Variants in ASMTL observed in about 807,000 individuals in gnomAD.
The protein encoded by ASMTL is acetylserotonin O-methyltransferase like, also known as probable bifunctional dTTP/UTP pyrophosphatase/methyltransferase protein.
In ASMTL, 57 loss-of-function variants were observed where a neutral mutation model predicts 60.3. That is an observed-to-expected ratio of 0.95 (90% CI 0.76 to 1.18). The LOEUF is 1.18. Ranked by LOEUF, ASMTL falls within the 50% of genes most tolerant of loss-of-function variation. ASMTL has a pLI of 0.00. For synonymous variants in ASMTL, 419 were observed against 373.0 expected, an observed-to-expected ratio of 1.12 and a Z score of -1.42; for missense variants, 981 against 852.6, an observed-to-expected ratio of 1.15 and a Z score of -1.88.
rs759397218 is a variant in ASMTL, at chrX:1,419,087, G to A, written c.1273C>T (p.Arg425Trp). ...QDAYYQSPET[R>W]LRFMRAMHGM... The stretch of plus-strand genomic sequence containing the variant: ...TGCATGGCCCGCATGAACCTCAGCC[G>A]CGTCTCCGGGCTCTGGTAGTACGCA... Residue 425 changes from arginine to tryptophan, a missense_variant, in exon 10 of 13, where the codon CGG becomes TGG. By Grantham distance (101) the Arg-to-Trp change is moderately radical. Transcript: ENST00000381317. The A allele has an allele frequency of 5.0e-5, 81 of 1,611,178 alleles. No individual in the cohort carries two copies. The East Asian group carries it at 1.1e-3, about 22-fold the overall frequency.
chrX:1,418,648 G>A (rs1404084671), intron 10 of ASMTL, among the ~76,000 whole-genome samples: 7 of 152,104 alleles, frequency 4.6e-5, no homozygotes, highest in Admixed American at 6.5e-5. Flanking sequence ...TGTGTCTACT[G>A]CTCCACCCAC....
intron 1 of ASMTL, among the ~76,000 whole-genome samples, chrX:1,444,566 G>A (rs1369016496): frequency 5.3e-5 from 8 of 152,128 alleles, no homozygotes; most frequent in African/African-American, 1.9e-4. Context: ...CCGAAACCCA[G>A]GACAGGTGTT....
intron 8 of ASMTL, among the ~76,000 whole-genome samples, chrX:1,424,264 A>G (rs1170171015): frequency 1.6e-5 from 2 of 122,680 alleles, no homozygotes; most frequent in African/African-American, 3.2e-5. Flanking sequence ...ACTCATCCAC[A>G]TGCCCACTCA....
rs1283185686 is a variant in ASMTL, at chrX:1,419,651, G to T, written c.1246-537C>A. On this transcript the variant is annotated intron_variant, in intron 9 of 12. Transcript: ENST00000381317. ...GAGCCCAGGCTCATCCTGGCTCAGT[G>T]CTGTGTCCAGGGTTCGCCTGGACAT... is the stretch of plus-strand genomic sequence containing the variant. Among the ~76,000 whole-genome samples, 10 of 152,136 alleles carry T rather than the reference G, an allele frequency of 6.6e-5. 1 individual carries two copies. The highest frequency in any genetic ancestry group is 6.5e-4 in the Admixed American group (10 of 15,274).
chrX:1,419,944 C>CTG (rs2090428924), intron 9 of ASMTL, among the ~76,000 whole-genome samples: 1 of 152,132 alleles, frequency 6.6e-6, no homozygotes, highest in Non-Finnish European at 1.5e-5. Flanking sequence ...CTCTGTCTGT[C>CTG]TGTCTCTGTC....
chrX:1,442,798 T>C (rs5989993), intron 1 of ASMTL, among the ~76,000 whole-genome samples: 106,960 of 152,004 alleles, frequency 0.7, 41,868 homozygotes, highest in East Asian at 0.96. Flanking sequence ...CAATCCCTGG[T>C]ACCCAGGAAG....
chrX:1,427,952 C>A lies in ASMTL; in HGVS notation c.679G>T (p.Asp227Tyr). ...AAGGTGTCCGCGGCCGGGATGGAGT[C>A]GTGCTTGACACTCCGCCGCAGGTCC... ...PEDLRRSVKH[D>Y]SIPAADTFED... The change falls in exon 7 of 13, where the codon GAC (aspartate) becomes TAC (tyrosine). Residue 227 changes from aspartate (D) to tyrosine (Y), a missense_variant. By Grantham distance (160) the Asp-to-Tyr change is radical. Transcript: ENST00000381317. 6.2e-7 allele frequency: 1 copy of A among 1,613,476 alleles called. No homozygotes were observed. Among genetic ancestry groups the A allele is most frequent in the Non-Finnish European group, 8.5e-7 (1 of 1,179,826 alleles).
At chrX:1,407,556 GATA>G (rs1257073477) in intron 12 of ASMTL, among the ~76,000 whole-genome samples, 1 of 151,950 alleles carries the variant, frequency 6.6e-6, no homozygotes, top group Non-Finnish European at 1.5e-5. Flanking sequence ...TGGATGGATA[GATA>G]ATAAATGATA....
chrX:1,442,166 G>A lies in ASMTL; in HGVS notation c.225+20C>T, dbSNP rs775534043. 1.5e-5 allele frequency: 24 copies of A among 1,612,142 alleles called. No homozygotes were observed. The highest frequency in any genetic ancestry group is 1.5e-4 in the African/African-American group (11 of 74,954). On this transcript the variant is annotated intron_variant, in intron 2 of 12. Transcript: ENST00000381317. ...CAGCAAAGGAATTTTCATAAGGGCC[G>A]AAGGGCAGGGGCCCCTTGCCTGGTA...
intron 10 of ASMTL, 79 bp downstream of exon 10, chrX:1,418,903 G>A (rs1225107971): frequency 1.9e-6 from 3 of 1,561,806 alleles, no homozygotes; most frequent in Non-Finnish European, 2.6e-6. Context: ...AAAGGCAGTT[G>A]GTAGGTGTCC....
At chrX:1,414,089 T>C (rs1279456154) in intron 11 of ASMTL, 2 of 148,908 alleles carry the variant, frequency 1.3e-5, no homozygotes, top group African/African-American at 5.0e-5. Flanking sequence ...GCAGGTGTCC[T>C]TCTAAGAGAC....
chrX:1,427,783 G>A lies in ASMTL; in HGVS notation c.848C>T (p.Pro283Leu), dbSNP rs773839854. The A allele has an allele frequency of 7.4e-6, 12 of 1,613,044 alleles. No homozygotes were observed. Among genetic ancestry groups the A allele is most frequent in the East Asian group, 4.5e-5 (2 of 44,874 alleles). The change falls in exon 7 of 13, where the codon CCG (proline) becomes CTG (leucine). Residue 283 changes from proline (P) to leucine (L), a missense_variant. Coordinates refer to ENST00000381317, the MANE Select transcript of ASMTL (RefSeq NM_004192.4). The stretch of plus-strand genomic sequence containing the variant: ...CAGCTCCAGGAGGCGTGTCGGGAAC[G>A]GAGGCAGGGTCTCCCGAGTCCTGTG... Reference protein sequence around the residue: ...ECHRTRETLPPFPTRLLELIE... With the variant: ...ECHRTRETLPLFPTRLLELIE...
chrX:1,407,911 AAG>A (rs1169383148), intron 12 of ASMTL, among the ~76,000 whole-genome samples: 8 of 121,628 alleles, frequency 6.6e-5, no homozygotes, highest in Admixed American at 2.7e-4. Context: ...AAGAGAGAGA[AAG>A]AGAGACAGAG....
At chrX:1,407,530 G>A (rs2089910565) in intron 12 of ASMTL, among the ~76,000 whole-genome samples, 2 of 152,006 alleles carry the variant, frequency 1.3e-5, no homozygotes, top group South Asian at 4.1e-4. Flanking sequence ...TAGATGATGG[G>A]TAGGTAGATG....
intron 1 of ASMTL, among the ~76,000 whole-genome samples, chrX:1,445,501 C>G (rs2091213158): frequency 6.6e-6 from 1 of 152,016 alleles, no homozygotes; most frequent in East Asian, 1.9e-4. Flanking sequence ...GCACCTTTAA[C>G]TTGCAAATTC....
chrX:1,419,080 C>T lies in ASMTL; in HGVS notation c.1280G>A (p.Arg427Lys). The T allele has an allele frequency of 4.3e-6, 7 of 1,611,312 alleles. No individual in the cohort carries two copies. Among genetic ancestry groups the T allele is most frequent in the Middle Eastern group, 2.2e-4 (1 of 4,596 alleles). Reference sequence around the variant, plus strand: ...CATGCCGTGCATGGCCCGCATGAACCTCAGCCGCGTCTCCGGGCTCTGGTA... The same window carrying T: ...CATGCCGTGCATGGCCCGCATGAACTTCAGCCGCGTCTCCGGGCTCTGGTA... ...AYYQSPETRLRFMRAMHGMTK... is the reference protein window; with the variant it reads ...AYYQSPETRLKFMRAMHGMTK... The change falls in exon 10 of 13, where the codon AGG (arginine) becomes AAG (lysine). Residue 427 changes from arginine (R) to lysine (K), a missense_variant. Coordinates refer to ENST00000381317, the MANE Select transcript of ASMTL (RefSeq NM_004192.4).
At chrX:1,420,985 A>T (rs1424890717) in intron 9 of ASMTL, among the ~76,000 whole-genome samples, 2 of 133,220 alleles carry the variant, frequency 1.5e-5, no homozygotes, top group African/African-American at 3.1e-5. Context: ...TTTGAGATGG[A>T]GTTTCGCTCT....
At chrX:1,428,646 CAAATAAATAAAT>C (rs1229272093) in intron 6 of ASMTL, among the ~76,000 whole-genome samples, 1 of 134,420 alleles carries the variant, frequency 7.4e-6, no homozygotes, top group African/African-American at 2.7e-5. Flanking sequence ...GACTCCGTCT[CAAATAAATAAAT>C]AAATAAATAA....
intron 11 of ASMTL, among the ~76,000 whole-genome samples, chrX:1,414,400 T>C (rs2090158276): frequency 6.6e-6 from 1 of 152,096 alleles, no homozygotes; most frequent in Non-Finnish European, 1.5e-5. Flanking sequence ...GAGAAGGTGC[T>C]CTTTCAGGGC....
Sources: allele counts gnomAD v4.1 joint callset (sites outside exome capture counted in the v4.1 genomes callset), GRCh38; gene constraint gnomAD v4.1.1; transcripts MANE v1.5; gene names NCBI Gene and HGNC (gene_info 2026-07-23, HGNC 2026-07-21).